Variants in SLC6A20 observed in about 807,000 individuals in gnomAD.
The protein encoded by SLC6A20 is solute carrier family 6 member 20, also known as sodium- and chloride-dependent transporter XTRP3.
A neutral mutation model predicts 64.3 loss-of-function variants in SLC6A20; 73 were observed. That is an observed-to-expected ratio of 1.14 (90% CI 0.94 to 1.38). SLC6A20 has a LOEUF of 1.38. Ranked by LOEUF, SLC6A20 falls within the 40% of genes most tolerant of loss-of-function variation. The probability of loss-of-function intolerance (pLI) is 0.00; values close to 1 mark genes in which losing one functional copy is unlikely to be tolerated. For missense variants in SLC6A20, 725 were observed against 772.8 expected (o/e 0.94, Z 0.73); for synonymous variants, 347 against 329.6 (o/e 1.05, Z -0.57).
In SLC6A20 at chr3:45,780,095, C is replaced by T. The variant is rs565896481; in HGVS notation, c.268G>A (p.Ala90Thr). Residue 90 changes from alanine (A) to threonine (T), a missense_variant, in exon 3 of 11, where the codon GCC becomes ACC. Ala to Thr is a moderately conservative substitution (Grantham distance 58, BLOSUM62 0). Coordinates refer to ENST00000358525, the MANE Select transcript of SLC6A20 (RefSeq NM_020208.4). ...ISPYLSGVGVASVVVSFFLSM... is the reference protein window; with the variant it reads ...ISPYLSGVGVTSVVVSFFLSM... ...AGGAAGAAAGAGACCACCACGCTGGCGACCCCTGCGAGGAAGCAGAGGGCC... is the reference window on the plus strand; with the variant it reads ...AGGAAGAAAGAGACCACCACGCTGGTGACCCCTGCGAGGAAGCAGAGGGCC... 246 of 1,588,566 alleles carry T rather than the reference C, an allele frequency of 1.5e-4. 2 individuals are homozygous for T. In the South Asian group the frequency reaches 2.3e-3, roughly 15 times the overall value.
chr3:45,787,212 G>A (rs1432524089), intron 1 of SLC6A20, among the ~76,000 whole-genome samples: 3 of 152,100 alleles, frequency 2.0e-5, no homozygotes, highest in African/African-American at 7.2e-5. Flanking sequence ...CCTGCCGCTG[G>A]CCTCTCTCCA....
intron 3 of SLC6A20, among the ~76,000 whole-genome samples, 177 bp downstream of exon 3, chr3:45,779,832 C>T (rs1050152942): frequency 3.3e-5 from 5 of 152,246 alleles, no homozygotes; most frequent in Admixed American, 6.5e-5. Flanking sequence ...AGCCCGGGTT[C>T]AGAAGCCCTT....
intron 1 of SLC6A20, among the ~76,000 whole-genome samples, chr3:45,792,684 G>A (rs985475306): frequency 2.0e-5 from 3 of 152,162 alleles, no homozygotes; most frequent in African/African-American, 7.2e-5. Flanking sequence ...TGTGGCCACC[G>A]CAGCTCCAGG....
intron 1 of SLC6A20, 83 bp downstream of exon 1, chr3:45,796,216 T>A: frequency 6.5e-7 from 1 of 1,529,922 alleles, no homozygotes; most frequent in Non-Finnish European, 8.8e-7. Flanking sequence ...TGCCGTTCTG[T>A]AACTTGGGTC....
intron 9 of SLC6A20, 125 bp from the exon 10 acceptor site, chr3:45,760,147 G>A: frequency 9.3e-7 from 1 of 1,080,800 alleles, no homozygotes. Context: ...TCTGAGCTTG[G>A]CCACTGGGCT....
In SLC6A20 at chr3:45,758,361, G is replaced by A. The variant is rs1333511550; in HGVS notation, c.*617C>T. 2.5e-6 allele frequency: 3 copies of A among 1,201,432 alleles called. No homozygotes were observed. The highest frequency in any genetic ancestry group is 1.6e-5 in the African/African-American group (1 of 62,930). The allele number at this position is 1,201,432 out of a possible 1,614,324, so 74.4% of individuals were successfully genotyped here. On this transcript the variant is annotated 3_prime_UTR_variant, in exon 11 of 11. Coordinates refer to ENST00000358525, the MANE Select transcript of SLC6A20 (RefSeq NM_020208.4). ...AGTTGGGGCAATTTTTTGTAGAGAGGTCTGGTCCTGGACCCACCGTCAGAG... is the reference window on the plus strand; with the variant it reads ...AGTTGGGGCAATTTTTTGTAGAGAGATCTGGTCCTGGACCCACCGTCAGAG...
chr3:45,761,066 T>C (rs1031096880), intron 9 of SLC6A20, among the ~76,000 whole-genome samples: 1 of 152,232 alleles, frequency 6.6e-6, no homozygotes, highest in Non-Finnish European at 1.5e-5. Flanking sequence ...TGCGAGGCTG[T>C]GTGGCGACCA....
At chr3:45,770,662 G>A (rs181378999) in intron 6 of SLC6A20, among the ~76,000 whole-genome samples, 102 of 152,324 alleles carry the variant, frequency 6.7e-4, no homozygotes, top group African/African-American at 2.2e-3. Context: ...GTCCAATTTG[G>A]TACTCACTGG....
chr3:45,759,218 C>G lies in SLC6A20; in HGVS notation c.1630-91G>C, dbSNP rs147117390. ...CATCCGTGATGGGGAGGTGATGTGA[C>G]GTGGGCAGAGAGCATGTGGGGCCGG... On this transcript the variant is annotated intron_variant, in intron 10 of 10. Transcript: ENST00000358525. 166 of 1,375,174 alleles carry G rather than the reference C, an allele frequency of 1.2e-4. 3 individuals carry two copies. The East Asian group carries it at 4.2e-3, about 35-fold the overall frequency. The allele number at this position is 1,375,174 out of a possible 1,614,324, so 85.2% of individuals were successfully genotyped here.
chr3:45,790,392 G>A (rs1489014986), intron 1 of SLC6A20: 2 of 151,974 alleles, frequency 1.3e-5, no homozygotes, highest in East Asian at 1.9e-4. Context: ...GCTGGCCTGG[G>A]GGTTCCACTT....
intron 1 of SLC6A20, among the ~76,000 whole-genome samples, chr3:45,784,804 C>T (rs945411219): frequency 1.3e-5 from 2 of 152,108 alleles, no homozygotes; most frequent in Non-Finnish European, 2.9e-5. Context: ...GCTGGGAAGT[C>T]CAAGAGCATG....
chr3:45,784,865 G>T (rs995717106), intron 1 of SLC6A20, among the ~76,000 whole-genome samples: 1 of 152,184 alleles, frequency 6.6e-6, no homozygotes, highest in Non-Finnish European at 1.5e-5. Flanking sequence ...ATGGCAGGAG[G>T]TGGGAGGGCA....
chr3:45,762,981 G>A lies in SLC6A20; in HGVS notation c.1395C>T (p.Ala465=). ...GCACGATGAGCAGCAGGGACAGTGT[G>A]GCCGCGTAGTCGTTGAATATGTCAA... The part of the protein sequence containing the change: ...YWFDIFNDYA[A]TLSLLLIVLV... Residue 465 remains alanine (A), a synonymous_variant, in exon 9 of 11, where the codon GCC becomes GCT. Transcript: ENST00000358525. 1 of 1,614,152 alleles carries A rather than the reference G, an allele frequency of 6.2e-7. No homozygotes were observed. The highest frequency in any genetic ancestry group is 8.5e-7 in the Non-Finnish European group (1 of 1,180,030).
intron 2 of SLC6A20, among the ~76,000 whole-genome samples, chr3:45,781,192 C>G (rs1185916133): frequency 6.6e-6 from 1 of 151,072 alleles, no homozygotes; most frequent in Non-Finnish European, 1.5e-5. Context: ...TGCACTCCAG[C>G]CTGGGCAATA....
At chr3:45,760,606 AG>A (rs1448217689) in intron 9 of SLC6A20, among the ~76,000 whole-genome samples, 1 of 152,178 alleles carries the variant, frequency 6.6e-6, no homozygotes, top group South Asian at 2.1e-4. Context: ...TGAGTCCCAA[AG>A]GCGTTGCCCA....
intron 9 of SLC6A20, among the ~76,000 whole-genome samples, chr3:45,760,699 C>T (rs932053227): frequency 3.9e-5 from 6 of 152,240 alleles, no homozygotes; most frequent in African/African-American, 1.2e-4. Flanking sequence ...AGCAGCAGCA[C>T]AACAGCAGCC....
At chr3:45,760,139 T>C (rs1233283682) in intron 9 of SLC6A20, 117 bp from the exon 10 acceptor site, 3 of 1,212,224 alleles carry the variant, frequency 2.5e-6, no homozygotes, top group Non-Finnish European at 3.4e-6. Flanking sequence ...AAAGGATGTC[T>C]GAGCTTGGCC....
At position 45,757,892 on chromosome 3, in the gene SLC6A20, C is replaced by CCGG. The variant is rs1284171267; in HGVS notation, c.*1085_*1086insCCG. The stretch of plus-strand genomic sequence containing the variant: ...CACGATGTCCAAATGTAATATTAAG[C>CCGG]CTATGGGAAAGTCAGAGCCACTTTT... On this transcript the variant is annotated 3_prime_UTR_variant, in exon 11 of 11. Coordinates refer to ENST00000358525, the MANE Select transcript of SLC6A20 (RefSeq NM_020208.4). The CCGG allele has an allele frequency of 6.7e-6, 1 of 149,970 alleles. No individual in the cohort carries two copies. The highest frequency in any genetic ancestry group is 1.5e-5 in the Non-Finnish European group (1 of 67,996). 9.3% of individuals were successfully genotyped at this position (149,970 alleles called of 1,614,324 possible). A position where few individuals can be genotyped will look rare whatever the true frequency, so the allele number is the denominator to read the frequency against.
rs1285627379 is a variant in SLC6A20 at position 45,758,864 on chromosome 3, C to T, written c.*114G>A. 1 of 1,412,050 alleles carries T rather than the reference C, an allele frequency of 7.1e-7. No homozygotes were observed. Among genetic ancestry groups the T allele is most frequent in the Non-Finnish European group, 9.3e-7 (1 of 1,079,914 alleles). 87.5% of individuals were successfully genotyped at this position (1,412,050 alleles called of 1,614,324 possible). ...ACACCTTCCTCATCTTCTTTAGACA[C>T]TCAGGAAGTTGATGGGCTGAGCACT... is the stretch of plus-strand genomic sequence containing the variant. On this transcript the variant is annotated 3_prime_UTR_variant, in exon 11 of 11. Coordinates refer to ENST00000358525, the MANE Select transcript of SLC6A20 (RefSeq NM_020208.4).
Sources: gnomAD v4.1 joint callset for allele counts (sites outside exome capture counted in the v4.1 genomes callset) on GRCh38, gnomAD v4.1.1 for gene constraint, MANE v1.5 for transcripts, NCBI Gene and HGNC (gene_info 2026-07-23, HGNC 2026-07-21) for gene names.